LRP1B: variants seen among roughly 807,000 people sequenced by gnomAD.
The protein encoded by LRP1B is low-density lipoprotein receptor-related protein 1B.
In LRP1B, 217 loss-of-function variants were observed where a neutral mutation model predicts 556.6. The observed-to-expected ratio is 0.39, with a 90% CI of 0.35 to 0.44. The LOEUF (loss-of-function observed/expected upper bound fraction) is 0.44. Ranked by LOEUF, LRP1B falls within the 20% of genes least tolerant of loss-of-function variation. LRP1B has a pLI of 1.00. For synonymous variants in LRP1B, 2,047 were observed against 1,865.8 expected, an observed-to-expected ratio of 1.10 and a Z score of -2.50; for missense variants, 5,053 against 5,620.8, an observed-to-expected ratio of 0.90 and a Z score of 3.23.
intron 3 of LRP1B, among the ~76,000 whole-genome samples, chr2:141,455,990 C>G (rs1681614891): frequency 6.6e-6 from 1 of 152,182 alleles, no homozygotes; most frequent in Admixed American, 6.5e-5. Context: ...GCTCCTCTAT[C>G]CATGGGCTTC....
At chr2:140,793,923 C>T (rs986197299) in intron 32 of LRP1B, among the ~76,000 whole-genome samples, 4 of 151,802 alleles carry the variant, frequency 2.6e-5, no homozygotes, top group East Asian at 1.9e-4. Context: ...ATGTTTTATA[C>T]GTAAATTATA....
chr2:140,847,005 C>T (rs1692292606), intron 29 of LRP1B, among the ~76,000 whole-genome samples: 1 of 152,190 alleles, frequency 6.6e-6, no homozygotes, highest in South Asian at 2.1e-4. Flanking sequence ...TGGAATCATC[C>T]TTGACAATGC....
chr2:141,702,224 C>T (rs550171539), intron 2 of LRP1B, among the ~76,000 whole-genome samples: 10 of 151,858 alleles, frequency 6.6e-5, no homozygotes, highest in South Asian at 2.1e-4. Flanking sequence ...TTTGTAGTAT[C>T]GTAGTACACA....
intron 7 of LRP1B, among the ~76,000 whole-genome samples, chr2:141,151,315 ATACAGGTTAC>A (rs1186596098): frequency 6.6e-6 from 1 of 152,156 alleles, no homozygotes; most frequent in African/African-American, 2.4e-5. Context: ...CCTACAAGTG[ATACAGGTTAC>A]TACTTCTCAT....
intron 3 of LRP1B, among the ~76,000 whole-genome samples, chr2:141,420,978 G>A (rs1424507738): frequency 2.0e-5 from 3 of 152,158 alleles, no homozygotes; most frequent in East Asian, 3.9e-4. Flanking sequence ...CAGCTTGAAG[G>A]AAGGGCCAAC....
chr2:140,882,332 T>C (rs1042288774), intron 25 of LRP1B, among the ~76,000 whole-genome samples: 2 of 152,102 alleles, frequency 1.3e-5, no homozygotes, highest in African/African-American at 4.8e-5. Context: ...GTAAGTCTTA[T>C]TAAACATAGC....
intron 3 of LRP1B, among the ~76,000 whole-genome samples, chr2:141,293,551 C>T (rs1226747136): frequency 1.3e-5 from 2 of 151,752 alleles, no homozygotes; most frequent in East Asian, 3.8e-4. Flanking sequence ...TGAAATTGTG[C>T]TGCTCAAGAA....
At chr2:140,882,419 A>G (rs1693503144) in intron 25 of LRP1B, among the ~76,000 whole-genome samples, 1 of 152,174 alleles carries the variant, frequency 6.6e-6, no homozygotes. Flanking sequence ...TAAACTAGAG[A>G]ATATACTTCC....
intron 7 of LRP1B, among the ~76,000 whole-genome samples, chr2:141,094,541 G>T (rs1700247514): frequency 6.6e-6 from 1 of 152,108 alleles, no homozygotes; most frequent in South Asian, 2.1e-4. Flanking sequence ...CCAGCAGCTA[G>T]ATCTTCGGCA....
intron 17 of LRP1B, 104 bp downstream of exon 17, chr2:140,989,428 T>A (rs998470720): frequency 3.1e-5 from 37 of 1,194,630 alleles, no homozygotes; most frequent in Non-Finnish European, 3.7e-5. Flanking sequence ...AATAATCAGA[T>A]CATCAGCACT....
At chr2:141,127,024 A>G (rs1197168157) in intron 7 of LRP1B, among the ~76,000 whole-genome samples, 1 of 149,230 alleles carries the variant, frequency 6.7e-6, no homozygotes, top group Non-Finnish European at 1.5e-5. Context: ...CTCACCCCAC[A>G]ATAGGCCCCA....
chr2:141,792,308 A>C (rs1329162214), intron 2 of LRP1B, among the ~76,000 whole-genome samples: 1 of 152,008 alleles, frequency 6.6e-6, no homozygotes, highest in East Asian at 1.9e-4. Flanking sequence ...TACTTTTGAC[A>C]TTCAAAACTC....
At chr2:140,778,499 T>A (rs185487030) in intron 32 of LRP1B, among the ~76,000 whole-genome samples, 344 of 152,240 alleles carry the variant, frequency 2.3e-3, no homozygotes, top group African/African-American at 6.9e-3. Context: ...GCATTTTTTT[T>A]ATATGGTATA....
chr2:141,476,314 T>G (rs994628308), intron 3 of LRP1B, among the ~76,000 whole-genome samples: 2 of 152,352 alleles, frequency 1.3e-5, no homozygotes, highest in East Asian at 3.9e-4. Flanking sequence ...TGTTTCTATT[T>G]GTCAAAGTTT....
chr2:141,509,200 T>C (rs1684035044), intron 2 of LRP1B, among the ~76,000 whole-genome samples: 1 of 152,274 alleles, frequency 6.6e-6, no homozygotes, highest in Middle Eastern at 3.4e-3. Flanking sequence ...AAACTGGAGA[T>C]ATGCAAACTT....
intron 1 of LRP1B, among the ~76,000 whole-genome samples, chr2:141,853,279 C>T (rs940063638): frequency 4.0e-5 from 6 of 151,384 alleles, no homozygotes; most frequent in African/African-American, 1.5e-4. Flanking sequence ...TGCAAACAAC[C>T]TGTTCTTAAA....
At chr2:140,539,232 C>T (rs1314539130) in intron 45 of LRP1B, among the ~76,000 whole-genome samples, 1 of 152,048 alleles carries the variant, frequency 6.6e-6, no homozygotes, top group Non-Finnish European at 1.5e-5. Flanking sequence ...TTTAATGCTG[C>T]CATTAACATT....
chr2:140,868,235 T>G lies in LRP1B; in HGVS notation c.4198A>C (p.Asn1400His). The G allele has an allele frequency of 6.3e-7, 1 of 1,595,682 alleles. No individual in the cohort carries two copies. The highest frequency in any genetic ancestry group is 8.5e-7 in the Non-Finnish European group (1 of 1,173,212). The change falls in exon 26 of 91, where the codon AAT (asparagine) becomes CAT (histidine). Residue 1400 changes from asparagine to histidine, a missense_variant. Transcript: ENST00000389484. The stretch of plus-strand genomic sequence containing the variant: ...GAGGCAGATTCAATGCGAGGAAAAT[T>G]TGCATCCCAGTCTGTCCAGAAAAGA... Reference protein sequence around the residue: ...GILFWTDWDANFPRIESASMS... With the variant: ...GILFWTDWDAHFPRIESASMS...
At chr2:141,093,753 C>T (rs1380805489) in intron 7 of LRP1B, among the ~76,000 whole-genome samples, 2 of 151,794 alleles carry the variant, frequency 1.3e-5, no homozygotes, top group African/African-American at 4.8e-5. Flanking sequence ...GTTGCTTTGT[C>T]GTCCAGGCTG....
Sources: allele counts gnomAD v4.1 joint callset (sites outside exome capture counted in the v4.1 genomes callset), GRCh38; gene constraint gnomAD v4.1.1; transcripts MANE v1.5; gene names NCBI Gene and HGNC (gene_info 2026-07-23, HGNC 2026-07-21).